The following RAMP1 variants were observed in gnomAD, a reference collection of about 807,000 sequenced individuals.
The protein encoded by RAMP1 is receptor activity modifying protein 1.
In RAMP1, 7 loss-of-function variants were observed where a neutral mutation model predicts 8.2. That is an observed-to-expected ratio of 0.85 (90% CI 0.49 to 1.60). RAMP1 has a LOEUF of 1.60. Among genes scored for constraint, RAMP1 ranks in the 40% most tolerant of loss-of-function variants. The probability of loss-of-function intolerance (pLI) is 0.00; values close to 1 mark genes in which losing one functional copy is unlikely to be tolerated. For missense variants in RAMP1, 192 were observed against 202.4 expected (o/e 0.95, Z 0.31); for synonymous variants, 92 against 84.7 (o/e 1.09, Z -0.47).
chr2:237,884,779 TGGTAGCCTCA>T (rs2062410221), intron 2 of RAMP1, among the ~76,000 whole-genome samples: 1 of 152,200 alleles, frequency 6.6e-6, no homozygotes, highest in African/African-American at 2.4e-5. Context: ...ATACTGACCA[TGGTAGCCTCA>T]GGTCACCTCA....
At position 237,911,732 on chromosome 2, in the gene RAMP1, G is replaced by A. The variant is rs896384177; in HGVS notation, c.396G>A (p.Leu132=). 6.2e-7 allele frequency: 1 copy of A among 1,613,416 alleles called. No homozygotes were observed. Among genetic ancestry groups the A allele is most frequent in the Non-Finnish European group, 8.5e-7 (1 of 1,179,794 alleles). ...TGGTCCCCATCACGGTGACCCTGCT[G>A]GTGACGGCACTGGTGGTCTGGCAGA... ...FIVVPITVTL[L]VTALVVWQSK... is the part of the protein sequence containing the mutation. The change falls in exon 3 of 3, where the codon CTG becomes CTA. Residue 132 remains leucine, a synonymous_variant. Transcript: ENST00000254661.
Position 237,877,124 on chromosome 2 carries a change from G to T in RAMP1, c.53-100G>T, listed in dbSNP as rs573762538. Reference sequence around the variant, plus strand: ...TCTCCAGGGGTTGCTTAGAGGCCCCGTTCTCGTGGAGTCCGGGCTGCAGGG... The same window carrying T: ...TCTCCAGGGGTTGCTTAGAGGCCCCTTTCTCGTGGAGTCCGGGCTGCAGGG... On this transcript the variant is annotated intron_variant, in intron 1 of 2. Coordinates refer to ENST00000254661, the MANE Select transcript of RAMP1 (RefSeq NM_005855.4). This position sits in a 1 kb window ranked among gnomAD's most constrained non-coding sequence, Gnocchi z 4.4. 135 of 1,519,526 alleles carry T rather than the reference G, an allele frequency of 8.9e-5. No homozygotes were observed. The Admixed American group carries it at 2.2e-3, about 25-fold the overall frequency. 94.1% of individuals were successfully genotyped at this position (1,519,526 alleles called of 1,614,324 possible). A position where few individuals can be genotyped will look rare whatever the true frequency, so the allele number is the denominator to read the frequency against.
chr2:237,874,236 A>G (rs1414559917), intron 1 of RAMP1, among the ~76,000 whole-genome samples: 1 of 152,228 alleles, frequency 6.6e-6, no homozygotes, highest in Admixed American at 6.5e-5. Context: ...TGGACAGCCC[A>G]GGGGACAGCA....
chr2:237,894,238 T>C (rs1380015671), intron 2 of RAMP1, among the ~76,000 whole-genome samples: 2 of 152,106 alleles, frequency 1.3e-5, no homozygotes, highest in African/African-American at 4.8e-5. Flanking sequence ...TCCAAAGTCT[T>C]GGGATTACAG....
intron 2 of RAMP1, among the ~76,000 whole-genome samples, chr2:237,895,686 G>A (rs972863019): frequency 2.0e-4 from 31 of 151,608 alleles, no homozygotes; most frequent in African/African-American, 7.3e-4. Flanking sequence ...TAGTGGCATC[G>A]GGGGAGAGTT....
intron 2 of RAMP1, among the ~76,000 whole-genome samples, chr2:237,879,715 C>T (rs2062347036): frequency 6.8e-6 from 1 of 146,132 alleles, no homozygotes; most frequent in African/African-American, 2.5e-5. Flanking sequence ...TCTGACCGGG[C>T]ACTGTGGCTC....
At chr2:237,906,245 C>T (rs2062649791) in intron 2 of RAMP1, among the ~76,000 whole-genome samples, 1 of 152,140 alleles carries the variant, frequency 6.6e-6, no homozygotes, top group African/African-American at 2.4e-5. Context: ...GGAGAGACCA[C>T]ACACCCCAAT....
intron 2 of RAMP1, among the ~76,000 whole-genome samples, chr2:237,897,829 C>T (rs1030062792): frequency 2.0e-5 from 3 of 151,580 alleles, no homozygotes; most frequent in Admixed American, 6.6e-5. Context: ...GATGGGGTCT[C>T]GCTCTTTCTC....
chr2:237,874,142 A>T (rs1283299412), intron 1 of RAMP1, among the ~76,000 whole-genome samples: 1 of 152,244 alleles, frequency 6.6e-6, no homozygotes, highest in East Asian at 1.9e-4. Context: ...AGACCCGGAC[A>T]GGGGATTGCA....
chr2:237,891,807 AT>A (rs774914209), intron 2 of RAMP1, among the ~76,000 whole-genome samples: 9 of 152,122 alleles, frequency 5.9e-5, no homozygotes, highest in Non-Finnish European at 1.2e-4. Flanking sequence ...ATAATGAAGT[AT>A]TTTAATTTTA....
chr2:237,877,155 C>T lies in RAMP1; in HGVS notation c.53-69C>T, dbSNP rs369928837. On this transcript the variant is annotated intron_variant, in intron 1 of 2. Transcript: ENST00000254661. The surrounding 1 kb of genome is among the most constrained non-coding windows in gnomAD (Gnocchi z 4.4). ...GTGGAGTCCGGGCTGCAGGGGCGCGCGGGCTGGCGGTGATACCCCTAGGCC... is the reference window on the plus strand; with the variant it reads ...GTGGAGTCCGGGCTGCAGGGGCGCGTGGGCTGGCGGTGATACCCCTAGGCC... 47 of 1,603,214 alleles carry T rather than the reference C, an allele frequency of 2.9e-5. No individual in the cohort carries two copies. The highest frequency in any genetic ancestry group is 1.1e-4 in the East Asian group (5 of 44,840).
chr2:237,888,007 T>G (rs1161217783), intron 2 of RAMP1, among the ~76,000 whole-genome samples: 4 of 149,824 alleles, frequency 2.7e-5, no homozygotes, highest in African/African-American at 1.0e-4. Context: ...GAGAAATAAT[T>G]CATGCAAGTA....
chr2:237,882,663 G>A (rs1205962405), intron 2 of RAMP1, among the ~76,000 whole-genome samples: 1 of 152,234 alleles, frequency 6.6e-6, no homozygotes, highest in African/African-American at 2.4e-5. Flanking sequence ...AAGCCTGGCA[G>A]TGGGCCAAGG....
chr2:237,894,893 G>A (rs953871453), intron 2 of RAMP1, among the ~76,000 whole-genome samples: 1 of 152,226 alleles, frequency 6.6e-6, no homozygotes, highest in African/African-American at 2.4e-5. Flanking sequence ...GGGAACAGGA[G>A]TGGCCTGTTC....
intron 2 of RAMP1, among the ~76,000 whole-genome samples, chr2:237,893,970 C>CTTTTTTTTT (rs71039788): frequency 2.9e-5 from 3 of 104,160 alleles, no homozygotes; most frequent in South Asian, 3.4e-4. Flanking sequence ...AAAATACTTT[C>CTTTTTTTTT]TTTTTTTTTT....
Position 237,876,041 on chromosome 2 carries a change from G to A in RAMP1, c.53-1183G>A, listed in dbSNP as rs562038127. 9.9e-5 allele frequency among the ~76,000 whole-genome samples: 15 copies of A among 152,246 alleles called. 1 individual carries two copies. The East Asian group carries it at 2.7e-3, about 28-fold the overall frequency. The stretch of plus-strand genomic sequence containing the variant: ...CCCTGAAGCCTCAGTTCCCCCATCC[G>A]TAAATTGCTGATCGCAGTCAGATCC... On this transcript the variant is annotated intron_variant, in intron 1 of 2. Coordinates refer to ENST00000254661, the MANE Select transcript of RAMP1 (RefSeq NM_005855.4).
chr2:237,876,927 C>G (rs1167310332), intron 1 of RAMP1, among the ~76,000 whole-genome samples: 1 of 152,208 alleles, frequency 6.6e-6, no homozygotes, highest in Admixed American at 6.5e-5. Flanking sequence ...CCGGGCCCCT[C>G]TCATGCTGCC....
intron 2 of RAMP1, among the ~76,000 whole-genome samples, chr2:237,902,292 G>A (rs918877685): frequency 1.9e-4 from 28 of 143,870 alleles, no homozygotes; most frequent in Admixed American, 2.8e-4. Context: ...AGGAGGGATC[G>A]GGAGGAGGAG....
rs1218364183 is a variant in RAMP1, at chr2:237,877,377, C to T, written c.191+15C>T. On this transcript the variant is annotated intron_variant, in intron 2 of 2. Transcript: ENST00000254661. The surrounding 1 kb of genome is among the most constrained non-coding windows in gnomAD (Gnocchi z 4.4). ...AGGACCATCAGGTGAGTCCCATGGC[C>T]CCTGGTGGGCAGGACACGGTTGGGG... 5.6e-6 allele frequency: 9 copies of T among 1,606,308 alleles called. 1 individual carries two copies. In the South Asian group the frequency reaches 1.0e-4, roughly 18 times the overall value.
Sources: gnomAD v4.1 joint callset for allele counts (sites outside exome capture counted in the v4.1 genomes callset) on GRCh38, gnomAD v4.1.1 for gene constraint, Gnocchi (gnomAD v3.1) non-coding constraint, MANE v1.5 for transcripts, NCBI Gene and HGNC (gene_info 2026-07-23, HGNC 2026-07-21) for gene names.